The following CCDC192 variants were observed in gnomAD, a reference collection of about 807,000 sequenced individuals.
CCDC192 encodes the protein coiled-coil domain-containing protein 192.
chr5:127,754,449 G>C (rs1437178423), intron 3 of CCDC192, 74 bp downstream of exon 3: 3 of 351,850 alleles, frequency 8.5e-6, no homozygotes, highest in Non-Finnish European at 1.5e-5. Flanking sequence ...GTAAACACAC[G>C]TTTTAACCTC....
chr5:127,870,212 G>C (rs1333372909), intron 5 of CCDC192, among the ~76,000 whole-genome samples: 1 of 152,148 alleles, frequency 6.6e-6, no homozygotes. Context: ...TAAAGGGAAA[G>C]AACAATACCT....
intron 5 of CCDC192, among the ~76,000 whole-genome samples, chr5:127,807,936 G>A (rs755422372): frequency 2.6e-5 from 4 of 152,116 alleles, no homozygotes; most frequent in Non-Finnish European, 4.4e-5. Context: ...CAGGCAGGAG[G>A]GGGTAGTCTG....
At chr5:127,752,334 C>G (rs571366149) in intron 2 of CCDC192, among the ~76,000 whole-genome samples, 6,373 of 152,154 alleles carry the variant, frequency 0.042, 428 homozygotes, top group African/African-American at 0.15. Flanking sequence ...TTCTAACAGA[C>G]AGGACCCTCA....
intron 5 of CCDC192, among the ~76,000 whole-genome samples, chr5:127,822,032 G>A (rs539349646): frequency 2.4e-4 from 37 of 152,278 alleles, no homozygotes; most frequent in African/African-American, 4.3e-4. Context: ...ATTTTCCTCC[G>A]CTACTTTTAA....
chr5:127,929,365 G>C (rs2127200449), intron 6 of CCDC192, among the ~76,000 whole-genome samples: 1 of 152,282 alleles, frequency 6.6e-6, no homozygotes, highest in South Asian at 2.1e-4. Context: ...CAGACCAGTA[G>C]TGCTATCTCA....
At chr5:127,845,505 G>C (rs1561519983) in intron 5 of CCDC192, among the ~76,000 whole-genome samples, 3 of 152,166 alleles carry the variant, frequency 2.0e-5, no homozygotes, top group Admixed American at 2.0e-4. Flanking sequence ...TGGCATTTGA[G>C]ATCATTTTGC....
At chr5:127,756,482 G>A (rs1754601704) in intron 3 of CCDC192, among the ~76,000 whole-genome samples, 1 of 152,204 alleles carries the variant, frequency 6.6e-6, no homozygotes, top group South Asian at 2.1e-4. Context: ...AATGTCTTCT[G>A]TTCCTGGGTG....
chr5:127,703,702 C>G (rs896674214), intron 1 of CCDC192, among the ~76,000 whole-genome samples, 195 bp downstream of exon 1: 1 of 152,190 alleles, frequency 6.6e-6, no homozygotes, highest in African/African-American at 2.4e-5. Context: ...CATGGCCTGA[C>G]ACACAGTAGG....
intron 5 of CCDC192, among the ~76,000 whole-genome samples, chr5:127,802,721 G>A (rs1561497102): frequency 6.6e-6 from 1 of 152,170 alleles, no homozygotes; most frequent in Non-Finnish European, 1.5e-5. Context: ...AGTTCCTGGA[G>A]GAAGTATGTC....
At chr5:127,744,811 AT>A (rs1753643539) in intron 2 of CCDC192, among the ~76,000 whole-genome samples, 1 of 152,212 alleles carries the variant, frequency 6.6e-6, no homozygotes, top group Non-Finnish European at 1.5e-5. Flanking sequence ...ATTAACATTT[AT>A]TGAGCACTTC....
chr5:127,804,351 C>A (rs1757667609), intron 5 of CCDC192, among the ~76,000 whole-genome samples: 2 of 152,210 alleles, frequency 1.3e-5, no homozygotes, highest in Admixed American at 1.3e-4. Context: ...AGAACTCTGT[C>A]AGCTACTAGC....
At chr5:127,894,927 C>T (rs1273188078) in intron 6 of CCDC192, among the ~76,000 whole-genome samples, 3 of 152,206 alleles carry the variant, frequency 2.0e-5, no homozygotes, top group Non-Finnish European at 4.4e-5. Context: ...ACATTGCAAA[C>T]AAGATTTCCA....
At chr5:127,857,920 A>T (rs1027493375) in intron 5 of CCDC192, 2 of 152,438 alleles carry the variant, frequency 1.3e-5, no homozygotes, top group African/African-American at 2.4e-5. Flanking sequence ...CCCTCACAGC[A>T]CATCTATGCT....
chr5:127,874,216 C>T (rs1751976525), intron 5 of CCDC192, among the ~76,000 whole-genome samples: 1 of 152,174 alleles, frequency 6.6e-6, no homozygotes, highest in Non-Finnish European at 1.5e-5. Context: ...TGGCTGAACC[C>T]TGCCTAATTC....
chr5:127,761,202 G>A (rs1754909616), intron 3 of CCDC192, among the ~76,000 whole-genome samples: 1 of 152,166 alleles, frequency 6.6e-6, no homozygotes, highest in South Asian at 2.1e-4. Context: ...GTTTGTTTTT[G>A]TTGGTCAGCA....
intron 5 of CCDC192, among the ~76,000 whole-genome samples, chr5:127,847,950 C>T (rs1750634953): frequency 6.6e-6 from 1 of 152,060 alleles, no homozygotes; most frequent in Admixed American, 6.5e-5. Context: ...GTGCCCACCA[C>T]CACACCCAGC....
At chr5:127,814,799 A>G (rs1225050570) in intron 5 of CCDC192, among the ~76,000 whole-genome samples, 1 of 152,178 alleles carries the variant, frequency 6.6e-6, no homozygotes, top group Non-Finnish European at 1.5e-5. Flanking sequence ...TGTGCCAATG[A>G]AATTCTAGCT....
chr5:127,706,551 A>G (rs1003513061), intron 1 of CCDC192, among the ~76,000 whole-genome samples: 19 of 150,914 alleles, frequency 1.3e-4, no homozygotes, highest in Middle Eastern at 6.8e-3. Flanking sequence ...AAAAAAAGTA[A>G]GGCTTTATTG....
intron 5 of CCDC192, among the ~76,000 whole-genome samples, chr5:127,844,853 C>T (rs1341192011): frequency 6.6e-6 from 1 of 152,168 alleles, no homozygotes; most frequent in Non-Finnish European, 1.5e-5. Context: ...CCAAGAAACC[C>T]TGGGAAGACA....
Sources: gnomAD v4.1 joint callset for allele counts (sites outside exome capture counted in the v4.1 genomes callset) on GRCh38, gnomAD v4.1.1 for gene constraint, MANE v1.5 for transcripts, NCBI Gene and HGNC (gene_info 2026-07-23, HGNC 2026-07-21) for gene names.